The following SND1 variants were observed in gnomAD, a reference collection of about 807,000 sequenced individuals.
SND1 encodes staphylococcal nuclease and tudor domain containing 1.
A neutral mutation model predicts 121.7 loss-of-function variants in SND1; 38 were observed. The ratio of observed to expected loss-of-function variants is 0.31; its 90% CI spans 0.24 to 0.41. The LOEUF (loss-of-function observed/expected upper bound fraction) is 0.41. SND1 is among the 10% of genes least tolerant of loss of function. The probability of loss-of-function intolerance (pLI) is 1.00; values close to 1 mark genes in which losing one functional copy is unlikely to be tolerated. For synonymous variants in SND1, 401 were observed against 447.4 expected (o/e 0.90, Z 1.31); for missense variants, 868 against 1,184.6 (o/e 0.73, Z 3.92).
chr7:127,823,094 T>A (rs1476152632), intron 11 of SND1, among the ~76,000 whole-genome samples: 1 of 152,108 alleles, frequency 6.6e-6, no homozygotes, highest in Non-Finnish European at 1.5e-5. Context: ...ATGAACTAGT[T>A]CTGGGTCCTG....
At chr7:127,737,499 T>TGGGAGGCAGAGGTTGCA (rs905773412) in intron 10 of SND1, among the ~76,000 whole-genome samples, 4 of 152,126 alleles carry the variant, frequency 2.6e-5, no homozygotes, top group African/African-American at 9.7e-5. Context: ...CGCTTGAACC[T>TGGGAGGCAGAGGTTGCA]GGGAGGCAGA....
intron 10 of SND1, among the ~76,000 whole-genome samples, chr7:127,803,753 C>T (rs1261627960): frequency 2.6e-5 from 4 of 152,118 alleles, no homozygotes; most frequent in African/African-American, 9.7e-5. Flanking sequence ...GGCCAGACTC[C>T]CAATTTTGGC....
chr7:128,015,827 C>T lies in SND1; in HGVS notation c.1779+24771C>T, dbSNP rs766191010. On this transcript the variant is annotated intron_variant, in intron 16 of 23. Coordinates refer to ENST00000354725, the MANE Select transcript of SND1 (RefSeq NM_014390.4). This position sits in a 1 kb window ranked among gnomAD's most constrained non-coding sequence, Gnocchi z 4.5. ...AGATGTCCCACCTAGCAGGCTCTGC[C>T]GGAGCCAGACATAGCCATCCACTCT... 3.3e-5 allele frequency among the ~76,000 whole-genome samples: 5 copies of T among 152,254 alleles called. No individual in the cohort carries two copies. The highest frequency in any genetic ancestry group is 1.3e-4 in the Admixed American group (2 of 15,298).
intron 10 of SND1, among the ~76,000 whole-genome samples, chr7:127,753,416 G>C (rs1797137392): frequency 6.6e-6 from 1 of 151,988 alleles, no homozygotes; most frequent in African/African-American, 2.4e-5. Flanking sequence ...GGTGTGTTTG[G>C]CCTGAAAATT....
intron 11 of SND1, among the ~76,000 whole-genome samples, chr7:127,809,911 C>T (rs1798302456): frequency 6.6e-6 from 1 of 152,144 alleles, no homozygotes; most frequent in Non-Finnish European, 1.5e-5. Flanking sequence ...ACCCATACTT[C>T]TCTTGGAGGC....
intron 16 of SND1, among the ~76,000 whole-genome samples, chr7:128,054,790 T>C (rs1434471292): frequency 6.6e-6 from 1 of 152,190 alleles, no homozygotes; most frequent in Non-Finnish European, 1.5e-5. Context: ...CCTATGCCCA[T>C]GAATACTTAA....
At chr7:127,663,280 T>A (rs1214615147) in intron 1 of SND1, among the ~76,000 whole-genome samples, 1 of 152,166 alleles carries the variant, frequency 6.6e-6, no homozygotes, top group South Asian at 2.1e-4. Context: ...TGTTTTAAAA[T>A]TTTTTTATTG....
At chr7:127,880,590 T>C (rs1446226676) in intron 12 of SND1, among the ~76,000 whole-genome samples, 1 of 152,112 alleles carries the variant, frequency 6.6e-6, no homozygotes, top group Non-Finnish European at 1.5e-5. Context: ...TCTCCATGGA[T>C]GCCTCAGAGA....
intron 17 of SND1, among the ~76,000 whole-genome samples, chr7:128,080,358 G>A (rs141471681): frequency 6.6e-6 from 1 of 152,390 alleles, no homozygotes; most frequent in East Asian, 1.9e-4. Flanking sequence ...CTGCAGCCCT[G>A]ACAGCACAGG....
intron 15 of SND1, among the ~76,000 whole-genome samples, chr7:127,985,984 G>A (rs1802378207): frequency 6.6e-6 from 1 of 152,176 alleles, no homozygotes. Flanking sequence ...TCTTAGTGGT[G>A]GAATAAGTGC....
At chr7:127,700,742 G>A (rs1398952166) in intron 4 of SND1, among the ~76,000 whole-genome samples, 2 of 152,102 alleles carry the variant, frequency 1.3e-5, no homozygotes, top group African/African-American at 4.8e-5. Flanking sequence ...GCCTTGTTCT[G>A]TAAACTGAGA....
At chr7:127,940,323 TG>T (rs1232547202) in intron 15 of SND1, among the ~76,000 whole-genome samples, 10 of 152,046 alleles carry the variant, frequency 6.6e-5, no homozygotes, top group Admixed American at 6.5e-4. Context: ...AACACTATCT[TG>T]TCAACCTGTG....
At chr7:127,661,599 TA>T (rs1351511259) in intron 1 of SND1, among the ~76,000 whole-genome samples, 2 of 152,092 alleles carry the variant, frequency 1.3e-5, no homozygotes, top group East Asian at 3.9e-4. Flanking sequence ...AATATGGAAG[TA>T]AAAATAATTC....
At chr7:127,724,295 G>T (rs1200681560) in intron 10 of SND1, among the ~76,000 whole-genome samples, 2 of 152,210 alleles carry the variant, frequency 1.3e-5, no homozygotes, top group African/African-American at 2.4e-5. Flanking sequence ...GACATTTAAG[G>T]CCTGAAGAGA....
chr7:127,690,904 A>G (rs1468597723), intron 2 of SND1, among the ~76,000 whole-genome samples: 1 of 152,104 alleles, frequency 6.6e-6, no homozygotes, highest in Non-Finnish European at 1.5e-5. Flanking sequence ...TTCTGTCATG[A>G]TATCGTCTTT....
intron 10 of SND1, among the ~76,000 whole-genome samples, chr7:127,782,385 T>A (rs1360274965): frequency 1.3e-5 from 2 of 152,212 alleles, no homozygotes; most frequent in African/African-American, 4.8e-5. Context: ...GCACTGCCTT[T>A]TGCCAGGGAC....
At chr7:128,054,845 G>A (rs969947569) in intron 16 of SND1, among the ~76,000 whole-genome samples, 6 of 152,208 alleles carry the variant, frequency 3.9e-5, no homozygotes, top group East Asian at 3.8e-4. Context: ...TTCTGAGGCC[G>A]AAGTCAACAG....
intron 7 of SND1, among the ~76,000 whole-genome samples, chr7:127,704,287 G>A (rs1796152981): frequency 6.6e-6 from 1 of 152,178 alleles, no homozygotes; most frequent in South Asian, 2.1e-4. Flanking sequence ...AGGTTGAAAG[G>A]CTTGGTTTGG....
intron 4 of SND1, among the ~76,000 whole-genome samples, chr7:127,699,894 A>G (rs887314510): frequency 1.3e-5 from 2 of 152,218 alleles, no homozygotes; most frequent in African/African-American, 4.8e-5. Flanking sequence ...CGCCTTTTGC[A>G]TTCTTTCTAC....
Sources: allele counts gnomAD v4.1 joint callset (sites outside exome capture counted in the v4.1 genomes callset), GRCh38; gene constraint gnomAD v4.1.1; non-coding constraint Gnocchi (gnomAD v3.1); transcripts MANE v1.5; gene names NCBI Gene and HGNC (gene_info 2026-07-23, HGNC 2026-07-21).